Variants in FBXO31 observed in about 807,000 individuals in gnomAD.
The protein encoded by FBXO31 is F-box protein 31.
Under a neutral mutation model 54.4 loss-of-function variants are expected in FBXO31, and 24 were observed. The observed-to-expected ratio is 0.44, with a 90% CI of 0.32 to 0.62. The LOEUF is 0.62. FBXO31 is among the 20% of genes least tolerant of loss of function. The pLI is 0.05. For missense variants in FBXO31, 665 were observed against 787.1 expected (o/e 0.84, Z 1.86); for synonymous variants, 388 against 335.6 (o/e 1.16, Z -1.71).
intron 2 of FBXO31, among the ~76,000 whole-genome samples, chr16:87,353,077 T>C (rs1905735185): frequency 6.6e-6 from 1 of 152,168 alleles, no homozygotes; most frequent in African/African-American, 2.4e-5. Flanking sequence ...TGAGCTCTAT[T>C]TCCGTCAGCC....
Position 87,334,232 on chromosome 16 carries a change from G to C in FBXO31, c.1051C>G (p.Arg351Gly). Residue 351 changes from arginine to glycine, a missense_variant, in exon 8 of 9, where the codon CGG becomes GGG. Transcript: ENST00000311635. ...TTCTCGAGGTCGGGCAGCTGGATCC[G>C]ATGCCTCAGGTCGATCTCCACTGTC... ...QQTVEIDLRH[R>G]IQLPDLENQR... The C allele has an allele frequency of 1.2e-6, 2 of 1,610,234 alleles. No individual in the cohort carries two copies. Among genetic ancestry groups the C allele is most frequent in the Non-Finnish European group, 1.7e-6 (2 of 1,178,332 alleles).
At chr16:87,362,342 C>T (rs901022950) in intron 1 of FBXO31, among the ~76,000 whole-genome samples, 2 of 151,946 alleles carry the variant, frequency 1.3e-5, no homozygotes, top group Non-Finnish European at 2.9e-5. Context: ...ACTATGTTGC[C>T]CAGGCTGTAA....
rs55852830 is a variant in FBXO31, at chr16:87,335,551, G to A, written c.843-94C>T. ...CCAGGGATGAGCTTTGCAGGGCGGG[G>A]TAGGGCGGGCAGCTCAGCTCAACCA... On this transcript the variant is annotated intron_variant, in intron 6 of 8. Coordinates refer to ENST00000311635, the MANE Select transcript of FBXO31 (RefSeq NM_024735.5). The surrounding 1 kb of genome is among the most constrained non-coding windows in gnomAD (Gnocchi z 5.7). 6.1e-3 allele frequency: 2,708 copies of A among 444,012 alleles called. 63 individuals are homozygous for A. Among genetic ancestry groups the A allele is most frequent in the African/African-American group, 0.048 (2,440 of 50,316 alleles). The allele number at this position is 444,012 out of a possible 1,614,324, so 27.5% of individuals were successfully genotyped here.
intron 1 of FBXO31, among the ~76,000 whole-genome samples, chr16:87,369,194 A>C (rs1906492317): frequency 6.6e-6 from 1 of 152,088 alleles, no homozygotes; most frequent in Non-Finnish European, 1.5e-5. Context: ...GGTAAAAATA[A>C]ACATAAAAGC....
chr16:87,367,422 A>T (rs550741287), intron 1 of FBXO31: 2 of 152,304 alleles, frequency 1.3e-5, no homozygotes, highest in South Asian at 4.1e-4. Flanking sequence ...ACTGAAGCAC[A>T]TCAAGATTCC....
Position 87,343,761 on chromosome 16 carries a change from T to C in FBXO31, c.494A>G (p.Asp165Gly). ...PYGGLLNVVV[D>G]GLFIIGWMYL... ...CATCCACCCGATGATGAACAGGCCG[T>C]CCACCTACAGGAGGAGATGGGCAAA... The change falls in exon 4 of 9, where the codon GAC becomes GGC. Residue 165 changes from aspartate (D) to glycine (G), a missense_variant. Asp to Gly is a moderately conservative substitution (Grantham distance 94). Coordinates refer to ENST00000311635, the MANE Select transcript of FBXO31 (RefSeq NM_024735.5). 6.2e-7 allele frequency: 1 copy of C among 1,614,156 alleles called. No individual in the cohort carries two copies. Among genetic ancestry groups the C allele is most frequent in the Non-Finnish European group, 8.5e-7 (1 of 1,180,020 alleles).
At chr16:87,343,965 C>T (rs1409999746) in intron 3 of FBXO31, among the ~76,000 whole-genome samples, 200 bp from the exon 4 acceptor site, 1 of 152,224 alleles carries the variant, frequency 6.6e-6, no homozygotes, top group Non-Finnish European at 1.5e-5. Flanking sequence ...CAGGAGGAGG[C>T]AGAATAATCC....
chr16:87,352,743 C>G (rs1019326560), intron 2 of FBXO31, among the ~76,000 whole-genome samples: 4 of 152,236 alleles, frequency 2.6e-5, no homozygotes, highest in African/African-American at 4.8e-5. Flanking sequence ...TCCTCTAATT[C>G]CAGGCACTGA....
At chr16:87,366,319 C>A (rs1220344822) in intron 1 of FBXO31, among the ~76,000 whole-genome samples, 1 of 152,210 alleles carries the variant, frequency 6.6e-6, no homozygotes, top group African/African-American at 2.4e-5. Context: ...ACTCTCTGCC[C>A]TTCCTTGCAA....
At chr16:87,375,974 A>G (rs963698690) in intron 1 of FBXO31, among the ~76,000 whole-genome samples, 2 of 152,192 alleles carry the variant, frequency 1.3e-5, no homozygotes, top group African/African-American at 4.8e-5. Flanking sequence ...ACAGTAGTAT[A>G]AAAATAACCA....
At chr16:87,352,165 A>G (rs1301364327) in intron 2 of FBXO31, among the ~76,000 whole-genome samples, 1 of 152,226 alleles carries the variant, frequency 6.6e-6, no homozygotes, top group Non-Finnish European at 1.5e-5. Context: ...ACTGTGCCCC[A>G]TAAAGACATA....
rs902077473 is a variant in FBXO31, at chr16:87,351,883, T to A, written c.413-4633A>T. Among the ~76,000 whole-genome samples the A allele has an allele frequency of 6.6e-5, 10 of 151,734 alleles. 1 individual carries two copies. In the East Asian group the frequency reaches 1.7e-3, roughly 26 times the overall value. On this transcript the variant is annotated intron_variant, in intron 2 of 8. Coordinates refer to ENST00000311635, the MANE Select transcript of FBXO31 (RefSeq NM_024735.5). ...GACTCTGTCTCAACAACAACAAAAA[T>A]ATATATATACATCAGCTTCACATGG... is the stretch of plus-strand genomic sequence containing the variant.
intron 1 of FBXO31, among the ~76,000 whole-genome samples, chr16:87,375,175 G>A (rs779742055): frequency 7.2e-5 from 11 of 152,152 alleles, no homozygotes; most frequent in South Asian, 4.1e-4. Flanking sequence ...GCGTGGTAGC[G>A]GGCGCCTGTA....
rs1905998210 is a variant in FBXO31 at position 87,358,553 on chromosome 16, A to G, written c.412+1742T>C. ...GATGGCTCCCTTTACAGGACTGTGC[A>G]AACAGCGTGAATACGACCCAATGCC... On this transcript the variant is annotated intron_variant, in intron 2 of 8. Transcript: ENST00000311635. The surrounding 1 kb of genome is among the most constrained non-coding windows in gnomAD (Gnocchi z 4.0). The G allele has an allele frequency of 6.5e-6, 1 of 152,708 alleles. No individual in the cohort carries two copies. Among genetic ancestry groups the G allele is most frequent in the African/African-American group, 2.4e-5 (1 of 41,468 alleles). The allele number at this position is 152,708 out of a possible 1,614,324, so 9.5% of individuals were successfully genotyped here.
rs927782477 is a variant in FBXO31 at position 87,331,193 on chromosome 16, A to C, written c.*95T>G. 120 of 1,310,722 alleles carry C rather than the reference A, an allele frequency of 9.2e-5. No homozygotes were observed. Among genetic ancestry groups the C allele is most frequent in the Non-Finnish European group, 2.0e-5 (19 of 933,040 alleles). The allele number at this position is 1,310,722 out of a possible 1,614,324, so 81.2% of individuals were successfully genotyped here. On this transcript the variant is annotated 3_prime_UTR_variant, in exon 9 of 9. Coordinates refer to ENST00000311635, the MANE Select transcript of FBXO31 (RefSeq NM_024735.5). ...CCGACGAGGTGTGCGTTCTGGTCAA[A>C]AGGCCGGATTTCCAAAGTGCATGCT...
chr16:87,331,273 C>T lies in FBXO31; in HGVS notation c.*15G>A. On this transcript the variant is annotated 3_prime_UTR_variant, in exon 9 of 9. Coordinates refer to ENST00000311635, the MANE Select transcript of FBXO31 (RefSeq NM_024735.5). ...CCCAGAGCCACCCGGGATGTGGCGGCAAGGATGTGGCCGGTCAGGAGGTGA... is the reference window on the plus strand; with the variant it reads ...CCCAGAGCCACCCGGGATGTGGCGGTAAGGATGTGGCCGGTCAGGAGGTGA... The T allele has an allele frequency of 1.2e-6, 2 of 1,609,084 alleles. No individual in the cohort carries two copies. Among genetic ancestry groups the T allele is most frequent in the Non-Finnish European group, 1.7e-6 (2 of 1,175,922 alleles).
intron 3 of FBXO31, 23 bp downstream of exon 3, chr16:87,347,151 C>T (rs375312346): frequency 5.3e-5 from 85 of 1,610,668 alleles, no homozygotes; most frequent in African/African-American, 3.7e-4. Context: ...GCACAGACCT[C>T]GTCGCGAGGC....
chr16:87,360,410 T>A (rs1906082364), intron 1 of FBXO31, 44 bp from the exon 2 acceptor site: 1 of 1,576,456 alleles, frequency 6.3e-7, no homozygotes, highest in African/African-American at 1.3e-5. Flanking sequence ...CAACAACTCA[T>A]AACGCGACAG....
intron 1 of FBXO31, among the ~76,000 whole-genome samples, chr16:87,382,385 A>C (rs1907116268): frequency 6.6e-6 from 1 of 152,190 alleles, no homozygotes; most frequent in African/African-American, 2.4e-5. Context: ...GCTGTTCTGC[A>C]TCGCTTGGAT....
Sources: gnomAD v4.1 joint callset for allele counts (sites outside exome capture counted in the v4.1 genomes callset) on GRCh38, gnomAD v4.1.1 for gene constraint, Gnocchi (gnomAD v3.1) non-coding constraint, MANE v1.5 for transcripts, NCBI Gene and HGNC (gene_info 2026-07-23, HGNC 2026-07-21) for gene names.